Variants in GRM8 observed in about 807,000 individuals in gnomAD.
GRM8 encodes metabotropic glutamate receptor 8.
In GRM8, 47 loss-of-function variants were observed where a neutral mutation model predicts 87.2. The ratio of observed to expected loss-of-function variants is 0.54; its 90% CI spans 0.43 to 0.69. The LOEUF is 0.69. Ranked by LOEUF, GRM8 falls within the 30% of genes least tolerant of loss-of-function variation. The probability of loss-of-function intolerance (pLI) is 0.00; values close to 1 mark genes in which losing one functional copy is unlikely to be tolerated. For missense variants in GRM8, 1,019 were observed against 1,139.2 expected, an observed-to-expected ratio of 0.89 and a Z score of 1.52; for synonymous variants, 396 against 404.5, an observed-to-expected ratio of 0.98 and a Z score of 0.25.
rs747837537 is a variant in GRM8 at position 126,902,561 on chromosome 7, A to G, written c.1137T>C (p.Ser379=). ...GGTTACCTGTGCATTTCTTTATATG[A>G]CTGTTCCTTTTCCCATGTGATCCTA... ...CKLGSHGKRN[S]HIKKCTGLER... The change falls in exon 6 of 11, where the codon AGT becomes AGC. Residue 379 remains serine, a synonymous_variant. Transcript: ENST00000339582. The G allele has an allele frequency of 3.1e-6, 5 of 1,605,712 alleles. No homozygotes were observed. In the Admixed American group the frequency reaches 5.2e-5, roughly 17 times the overall value.
chr7:127,202,039 G>T (rs1795641559), intron 2 of GRM8, among the ~76,000 whole-genome samples: 1 of 152,142 alleles, frequency 6.6e-6, no homozygotes, highest in Non-Finnish European at 1.5e-5. Flanking sequence ...ACTGCTGAAA[G>T]ATTCCTTCTT....
intron 6 of GRM8, among the ~76,000 whole-genome samples, chr7:126,811,936 C>G (rs1793336778): frequency 6.6e-6 from 1 of 151,662 alleles, no homozygotes; most frequent in Non-Finnish European, 1.5e-5. Context: ...TTGTATTGTT[C>G]CAGTTCTTAG....
chr7:126,527,546 T>C (rs1046811418), intron 9 of GRM8, among the ~76,000 whole-genome samples: 4 of 152,190 alleles, frequency 2.6e-5, no homozygotes, highest in Non-Finnish European at 5.9e-5. Flanking sequence ...TCCAGTTTGA[T>C]CTATTCTGCA....
intron 8 of GRM8, among the ~76,000 whole-genome samples, chr7:126,582,702 A>T (rs982790065): frequency 6.6e-6 from 1 of 152,280 alleles, no homozygotes; most frequent in Non-Finnish European, 1.5e-5. Flanking sequence ...TCCAATGCTC[A>T]TTGAACATTC....
intron 3 of GRM8, among the ~76,000 whole-genome samples, chr7:126,993,810 G>T (rs1284380954): frequency 2.0e-5 from 3 of 152,192 alleles, no homozygotes; most frequent in Non-Finnish European, 4.4e-5. Flanking sequence ...CAGAGAGGAA[G>T]TGCCCATCTC....
chr7:127,066,928 A>G (rs1821171793), intron 3 of GRM8, among the ~76,000 whole-genome samples: 1 of 152,148 alleles, frequency 6.6e-6, no homozygotes, highest in African/African-American at 2.4e-5. Context: ...ACTTAACGTA[A>G]TGAGGTATTA....
intron 7 of GRM8, among the ~76,000 whole-genome samples, chr7:126,736,903 A>C (rs1443431013): frequency 8.5e-5 from 13 of 152,088 alleles, no homozygotes; most frequent in Non-Finnish European, 1.8e-4. Flanking sequence ...CCACCATTGC[A>C]AAATTATAAC....
chr7:126,501,008 A>G (rs1237183397), intron 9 of GRM8, among the ~76,000 whole-genome samples: 2 of 151,932 alleles, frequency 1.3e-5, no homozygotes, highest in African/African-American at 2.4e-5. Flanking sequence ...CTTTATTCTT[A>G]TAATTTTTTA....
intron 3 of GRM8, among the ~76,000 whole-genome samples, chr7:127,061,260 T>C (rs565272072): frequency 3.3e-4 from 51 of 152,334 alleles, no homozygotes; most frequent in African/African-American, 1.2e-3. Flanking sequence ...TTAAGGACTA[T>C]GCTAGCTACT....
At chr7:126,458,917 T>C (rs1265574796) in intron 9 of GRM8, among the ~76,000 whole-genome samples, 4 of 150,710 alleles carry the variant, frequency 2.7e-5, no homozygotes, top group Admixed American at 6.6e-5. Flanking sequence ...ACAACCTAAG[T>C]GGTGCTTGAA....
chr7:126,887,046 G>A (rs969545155), intron 6 of GRM8, among the ~76,000 whole-genome samples: 9 of 152,056 alleles, frequency 5.9e-5, no homozygotes, highest in East Asian at 5.8e-4. Flanking sequence ...CTAAGGAAGA[G>A]GTAATCTATC....
Position 126,446,179 on chromosome 7 carries a change from T to C in GRM8, c.2624A>G (p.Asp875Gly). 6.2e-7 allele frequency: 1 copy of C among 1,613,030 alleles called. No homozygotes were observed. Among genetic ancestry groups the C allele is most frequent in the South Asian group, 1.1e-5 (1 of 91,074 alleles). Residue 875 changes from aspartate to glycine, a missense_variant, in exon 10 of 11, where the codon GAC becomes GGC. Asp to Gly is a moderately conservative substitution (Grantham distance 94). Coordinates refer to ENST00000339582, the MANE Select transcript of GRM8 (RefSeq NM_000845.3). ...MQSKLIQKGNDRPNGEVKSEL... is the reference protein window; with the variant it reads ...MQSKLIQKGNGRPNGEVKSEL... ...ACTTTTCACCTCGCCATTTGGTCTG[T>C]CATTTCCTTTTTGGATCAGTTTGCT...
At chr7:126,992,380 A>T (rs1057042328) in intron 3 of GRM8, among the ~76,000 whole-genome samples, 1 of 152,188 alleles carries the variant, frequency 6.6e-6, no homozygotes, top group Admixed American at 6.5e-5. Context: ...ATCTACAAAA[A>T]GCCACTAAAT....
At chr7:127,077,836 C>T (rs535651755) in intron 3 of GRM8, among the ~76,000 whole-genome samples, 103 of 152,310 alleles carry the variant, frequency 6.8e-4, no homozygotes, top group African/African-American at 2.4e-3. Flanking sequence ...TGTTCTACTA[C>T]TTAGAAGTAG....
chr7:127,060,914 C>T (rs991642814), intron 3 of GRM8, among the ~76,000 whole-genome samples: 1 of 152,158 alleles, frequency 6.6e-6, no homozygotes, highest in Non-Finnish European at 1.5e-5. Context: ...CAGGGTTCCA[C>T]ATATTTGCTT....
chr7:126,543,298 G>A (rs970742119), intron 8 of GRM8, among the ~76,000 whole-genome samples: 7 of 152,154 alleles, frequency 4.6e-5, no homozygotes, highest in Admixed American at 1.3e-4. Flanking sequence ...CTCGTTCTTA[G>A]AGATTACAAC....
chr7:126,888,576 G>C (rs184827535), intron 6 of GRM8, among the ~76,000 whole-genome samples: 83 of 152,100 alleles, frequency 5.5e-4, no homozygotes, highest in Middle Eastern at 3.4e-3. Flanking sequence ...TATTCTGATG[G>C]ATTCTTGAGC....
rs1798405789 is a variant in GRM8, at chr7:127,243,171, G to A, written c.34C>T (p.Pro12Ser). ...TTGGCGGTCAAGAGGAAGAAACAAGGGCAAGAGGCTGATCGCTTTCCCTCG... is the reference window on the plus strand; with the variant it reads ...TTGGCGGTCAAGAGGAAGAAACAAGAGCAAGAGGCTGATCGCTTTCCCTCG... Reference protein sequence around the residue: ...VCEGKRSASCPCFFLLTAKFY... With the variant: ...VCEGKRSASCSCFFLLTAKFY... Residue 12 changes from proline (P) to serine (S), a missense_variant, in exon 2 of 11, where the codon CCT (proline) becomes TCT (serine). Physicochemically the swap from Pro to Ser is moderately conservative, Grantham distance 74. Coordinates refer to ENST00000339582, the MANE Select transcript of GRM8 (RefSeq NM_000845.3). The A allele has an allele frequency of 1.9e-6, 3 of 1,612,108 alleles. No homozygotes were observed. The Admixed American group carries it at 5.0e-5, about 27-fold the overall frequency.
At chr7:126,983,819 G>GA (rs1043887349) in intron 3 of GRM8, among the ~76,000 whole-genome samples, 51 of 152,168 alleles carry the variant, frequency 3.4e-4, no homozygotes, top group African/African-American at 1.2e-3. Flanking sequence ...ACTCCACCAG[G>GA]AAAAAAACCC....
Sources: gnomAD v4.1 joint callset for allele counts (sites outside exome capture counted in the v4.1 genomes callset) on GRCh38, gnomAD v4.1.1 for gene constraint, MANE v1.5 for transcripts, NCBI Gene and HGNC (gene_info 2026-07-23, HGNC 2026-07-21) for gene names.